The following SLC8A3 variants were observed in gnomAD, a reference collection of about 807,000 sequenced individuals.
SLC8A3 encodes sodium/calcium exchanger 3.
In SLC8A3, 37 loss-of-function variants were observed where a neutral mutation model predicts 65.4. The ratio of observed to expected loss-of-function variants is 0.57; its 90% CI spans 0.44 to 0.74. The LOEUF is 0.74. Among genes scored for constraint, SLC8A3 ranks in the 30% least tolerant of loss-of-function variants. The pLI, the probability that SLC8A3 is intolerant of heterozygous loss-of-function variation, is 0.00. For synonymous variants in SLC8A3, 461 were observed against 444.5 expected, an observed-to-expected ratio of 1.04 and a Z score of -0.47; for missense variants, 1,112 against 1,172.1, an observed-to-expected ratio of 0.95 and a Z score of 0.75.
At chr14:70,151,233 G>A (rs1201295827) in intron 2 of SLC8A3, among the ~76,000 whole-genome samples, 7 of 149,162 alleles carry the variant, frequency 4.7e-5, no homozygotes, top group African/African-American at 1.5e-4. Flanking sequence ...CAGCCCAGGC[G>A]ACAGTGCGAG....
chr14:70,060,377 G>A, intron 3 of SLC8A3: 1 of 286,158 alleles, frequency 3.5e-6, no homozygotes, highest in South Asian at 3.5e-5. Context: ...AGGAAGGCAG[G>A]AAGGGGCACA....
chr14:70,073,413 C>T (rs1307268478), intron 2 of SLC8A3, among the ~76,000 whole-genome samples: 1 of 152,054 alleles, frequency 6.6e-6, no homozygotes, highest in South Asian at 2.1e-4. Flanking sequence ...TTCAAGGGGG[C>T]TGGGGTGAGG....
intron 2 of SLC8A3, among the ~76,000 whole-genome samples, chr14:70,105,370 G>T (rs767073879): frequency 3.9e-5 from 6 of 151,966 alleles, no homozygotes; most frequent in Non-Finnish European, 7.4e-5. Flanking sequence ...AATAAAATTG[G>T]TAAACCTCTA....
At chr14:70,158,570 A>G (rs10483826) in intron 2 of SLC8A3, among the ~76,000 whole-genome samples, 29,811 of 151,036 alleles carry the variant, frequency 0.2, 3,089 homozygotes, top group Middle Eastern at 0.25. Flanking sequence ...TATACACTCC[A>G]CAAATAACTG....
intron 2 of SLC8A3, among the ~76,000 whole-genome samples, chr14:70,092,518 C>A (rs1053093639): frequency 2.3e-4 from 35 of 152,180 alleles, no homozygotes; most frequent in African/African-American, 8.4e-4. Flanking sequence ...AGAGTGTCAA[C>A]CTCCTTCCCA....
chr14:70,184,525 T>A (rs1203274680), intron 1 of SLC8A3, among the ~76,000 whole-genome samples: 3 of 152,176 alleles, frequency 2.0e-5, no homozygotes, highest in African/African-American at 4.8e-5. Flanking sequence ...CCTCTCCTCT[T>A]TACTTCCTCT....
intron 4 of SLC8A3, 69 bp downstream of exon 4, chr14:70,051,921 A>G (rs1887554676): frequency 2.1e-6 from 3 of 1,396,334 alleles, no homozygotes; most frequent in Non-Finnish European, 3.0e-6. Context: ...GTGGAAAAAA[A>G]CACCCCAGGT....
chr14:70,162,062 G>A (rs1282110792), intron 2 of SLC8A3, among the ~76,000 whole-genome samples: 1 of 152,092 alleles, frequency 6.6e-6, no homozygotes, highest in Admixed American at 6.5e-5. Context: ...TTCCTGAACA[G>A]TTCAAGGTGA....
At position 70,044,219 on chromosome 14, in the gene SLC8A3, T is replaced by C. The variant is rs151186505; in HGVS notation, c.*1728A>G. On this transcript the variant is annotated 3_prime_UTR_variant, in exon 7 of 7. Coordinates refer to ENST00000356921, the MANE Select transcript of SLC8A3 (RefSeq NM_182932.3). ...GAAACACAGGTAGAAGCAAGCTGTA[T>C]GTAGAGAGATATAGTATAGCTTTTA... 1.3e-5 allele frequency: 2 copies of C among 152,312 alleles called. No individual in the cohort carries two copies. The highest frequency in any genetic ancestry group is 4.8e-5 in the African/African-American group (2 of 41,572). The allele number at this position is 152,312 out of a possible 1,614,324, so 9.4% of individuals were successfully genotyped here.
chr14:70,122,518 A>T (rs1037575005), intron 2 of SLC8A3, among the ~76,000 whole-genome samples: 8 of 152,104 alleles, frequency 5.3e-5, no homozygotes, highest in African/African-American at 1.7e-4. Context: ...CTAAAACTCT[A>T]TGACTCAGTT....
chr14:70,160,876 A>AC (rs1896841314), intron 2 of SLC8A3, among the ~76,000 whole-genome samples: 1 of 96,026 alleles, frequency 1.0e-5, no homozygotes, highest in African/African-American at 4.3e-5. Flanking sequence ...AAGAAAAGAG[A>AC]CAAAAAAAAA....
chr14:70,079,210 A>G (rs1890809095), intron 2 of SLC8A3, among the ~76,000 whole-genome samples: 1 of 151,896 alleles, frequency 6.6e-6, no homozygotes, highest in African/African-American at 2.4e-5. Context: ...GAGGCTAGGC[A>G]CGGTAGCTCA....
chr14:70,067,856 T>C (rs1198408880), intron 2 of SLC8A3, among the ~76,000 whole-genome samples: 1 of 152,154 alleles, frequency 6.6e-6, no homozygotes, highest in Non-Finnish European at 1.5e-5. Flanking sequence ...CATTTCCAGT[T>C]CTTCTTCCCG....
chr14:70,146,005 A>G (rs982712031), intron 2 of SLC8A3, among the ~76,000 whole-genome samples: 4 of 152,054 alleles, frequency 2.6e-5, no homozygotes, highest in African/African-American at 4.8e-5. Flanking sequence ...GGCCCAGAAG[A>G]CAGCATGTCC....
At chr14:70,164,690 G>A (rs1280770729) in intron 2 of SLC8A3, among the ~76,000 whole-genome samples, 1 of 152,182 alleles carries the variant, frequency 6.6e-6, no homozygotes, top group African/African-American at 2.4e-5. Flanking sequence ...ACCTATCCGT[G>A]ACATGGGTAG....
chr14:70,133,788 G>C lies in SLC8A3; in HGVS notation c.1784+32851C>G, dbSNP rs140611480. Among the ~76,000 whole-genome samples, 211 of 152,308 alleles carry C rather than the reference G, an allele frequency of 1.4e-3. 1 individual carries two copies. Among genetic ancestry groups the C allele is most frequent in the African/African-American group, 4.7e-3 (197 of 41,560 alleles). ...TGGGAGAGCTAGTTCCAGGAATACA[G>C]AAGAAGATGGGGTATCAAAAATAAT... is the stretch of plus-strand genomic sequence containing the variant. On this transcript the variant is annotated intron_variant, in intron 2 of 6. Coordinates refer to ENST00000356921, the MANE Select transcript of SLC8A3 (RefSeq NM_182932.3).
intron 2 of SLC8A3, among the ~76,000 whole-genome samples, chr14:70,092,704 T>C (rs1009256): frequency 0.48 from 72,564 of 151,902 alleles, 17,540 homozygotes; most frequent in South Asian, 0.65. Flanking sequence ...CTGGTAGTAA[T>C]GTCTCCAGCC....
At chr14:70,149,686 C>T (rs925272860) in intron 2 of SLC8A3, among the ~76,000 whole-genome samples, 8 of 152,168 alleles carry the variant, frequency 5.3e-5, no homozygotes, top group Admixed American at 4.6e-4. Flanking sequence ...GCCCCAGAGT[C>T]CCACTGGCAA....
At chr14:70,087,343 C>T (rs2140037500) in intron 2 of SLC8A3, among the ~76,000 whole-genome samples, 1 of 152,312 alleles carries the variant, frequency 6.6e-6, no homozygotes, top group East Asian at 1.9e-4. Context: ...TGCTGTGCAA[C>T]TTCCATTTAT....
Sources: allele counts gnomAD v4.1 joint callset (sites outside exome capture counted in the v4.1 genomes callset), GRCh38; gene constraint gnomAD v4.1.1; transcripts MANE v1.5; gene names NCBI Gene and HGNC (gene_info 2026-07-23, HGNC 2026-07-21).